PI4KA: variants seen among roughly 807,000 people sequenced by gnomAD.
PI4KA encodes phosphatidylinositol 4-kinase alpha.
Under a neutral mutation model 271.4 loss-of-function variants are expected in PI4KA, and 122 were observed. The ratio of observed to expected loss-of-function variants is 0.45; its 90% confidence interval spans 0.39 to 0.52. The LOEUF (loss-of-function observed/expected upper bound fraction) is 0.52. Ranked by LOEUF, PI4KA falls within the 20% of genes least tolerant of loss-of-function variation. PI4KA has a pLI of 0.00. For synonymous variants in PI4KA, 1,041 were observed against 1,078.8 expected (o/e 0.96, Z 0.69); for missense variants, 1,969 against 2,769.1 (o/e 0.71, Z 6.48).
chr22:20,842,814 C>CA (rs764238069), intron 1 of PI4KA, among the ~76,000 whole-genome samples: 4,798 of 81,560 alleles, frequency 0.059, 100 homozygotes, highest in Middle Eastern at 0.16. Flanking sequence ...GACTCTGTCT[C>CA]AAAAAAAAAA....
At chr22:20,775,974 A>G (rs1933239313) in intron 19 of PI4KA, among the ~76,000 whole-genome samples, 1 of 152,170 alleles carries the variant, frequency 6.6e-6, no homozygotes, top group Non-Finnish European at 1.5e-5. Context: ...TAAGTTACTC[A>G]AAGTGCCATT....
At chr22:20,738,470 C>G (rs1035935888) in intron 32 of PI4KA, among the ~76,000 whole-genome samples, 2 of 152,194 alleles carry the variant, frequency 1.3e-5, no homozygotes, top group African/African-American at 2.4e-5. Flanking sequence ...GTCCCAGACC[C>G]CTGTAAGGAG....
At chr22:20,745,655 T>C (rs1929968742) in intron 29 of PI4KA, among the ~76,000 whole-genome samples, 1 of 152,186 alleles carries the variant, frequency 6.6e-6, no homozygotes, top group Non-Finnish European at 1.5e-5. Flanking sequence ...CTGGAAACAA[T>C]GCGGTCTTTG....
intron 19 of PI4KA, among the ~76,000 whole-genome samples, chr22:20,785,462 G>A (rs1298960374): frequency 3.9e-5 from 6 of 152,194 alleles, no homozygotes; most frequent in Admixed American, 3.9e-4. Flanking sequence ...ATCCAGCTGG[G>A]ATTGCACCTT....
chr22:20,746,210 C>T (rs1930083041), intron 29 of PI4KA, among the ~76,000 whole-genome samples: 1 of 151,630 alleles, frequency 6.6e-6, no homozygotes, highest in Non-Finnish European at 1.5e-5. Context: ...CTACAGGCGC[C>T]TGCCACCATG....
intron 1 of PI4KA, among the ~76,000 whole-genome samples, chr22:20,840,590 G>T (rs1014634175): frequency 3.9e-5 from 6 of 152,212 alleles, no homozygotes; most frequent in African/African-American, 1.4e-4. Context: ...AGGCGAAGAT[G>T]TTAGCATGGT....
chr22:20,788,391 C>T (rs1934410559), intron 19 of PI4KA, among the ~76,000 whole-genome samples: 1 of 152,132 alleles, frequency 6.6e-6, no homozygotes, highest in Non-Finnish European at 1.5e-5. Context: ...ACGTCACTGC[C>T]CTTTGTAGGC....
In PI4KA at chr22:20,747,503, C is replaced by T. The variant is rs756973865; in HGVS notation, c.3363+80G>A. 1.3e-5 allele frequency: 20 copies of T among 1,496,098 alleles called. No individual in the cohort carries two copies. In the African/African-American group the frequency reaches 1.9e-4, roughly 14 times the overall value. The allele number at this position is 1,496,098 out of a possible 1,614,324, so 92.7% of individuals were successfully genotyped here. A position where few individuals can be genotyped will look rare whatever the true frequency, so the allele number is the denominator to read the frequency against. On this transcript the variant is annotated intron_variant, in intron 29 of 54. Coordinates refer to ENST00000255882, the MANE Select transcript of PI4KA (RefSeq NM_058004.4). ...TACTCATGTGCGTCATGAAAAGCGA[C>T]AGCCGAGCTCTAAGCCTTCCCCTGC...
intron 1 of PI4KA, among the ~76,000 whole-genome samples, chr22:20,857,590 T>A (rs1294550364): frequency 1.3e-5 from 2 of 152,240 alleles, no homozygotes; most frequent in African/African-American, 4.8e-5. Context: ...AACACTGTGC[T>A]GAGTCTCATC....
At chr22:20,801,252 T>A (rs1569049308) in intron 14 of PI4KA, among the ~76,000 whole-genome samples, 1 of 151,806 alleles carries the variant, frequency 6.6e-6, no homozygotes, top group Non-Finnish European at 1.5e-5. Context: ...TCTTTATAGA[T>A]CAAGTGTAGG....
intron 1 of PI4KA, among the ~76,000 whole-genome samples, chr22:20,839,282 T>C (rs118066959): frequency 0.03 from 4,528 of 152,240 alleles, 87 homozygotes; most frequent in Middle Eastern, 0.061. Context: ...CAATAAGTCA[T>C]AGTTTTTTTT....
chr22:20,858,546 C>T (rs556757297), intron 1 of PI4KA, 24 bp downstream of exon 1: 4 of 1,354,598 alleles, frequency 3.0e-6, no homozygotes, highest in South Asian at 3.5e-5. Flanking sequence ...CCTGTCAGCC[C>T]GCGGCCCAGC....
At position 20,799,244 on chromosome 22, in the gene PI4KA, C is replaced by T. The variant is rs755609944; in HGVS notation, c.1853G>A (p.Arg618Gln). 1.3e-6 allele frequency: 2 copies of T among 1,538,646 alleles called. No homozygotes were observed. The highest frequency in any genetic ancestry group is 1.8e-4 in the Middle Eastern group (1 of 5,610). Residue 618 changes from arginine to glutamine, a missense_variant, in exon 16 of 55, where the codon CGA (arginine) becomes CAA (glutamine). This residue lies in a region of PI4KA where 228 missense variants were observed against 261.6 expected (regional missense o/e 0.87). Coordinates refer to ENST00000255882, the MANE Select transcript of PI4KA (RefSeq NM_058004.4). ...DAHLIPDHTI[R>Q]ALGHIAVALR... ...GGCCACCGCAATGTGTCCCAAGGCTCGGATTGTGTGGTCGGGAATCAAGTG... is the reference window on the plus strand; with the variant it reads ...GGCCACCGCAATGTGTCCCAAGGCTTGGATTGTGTGGTCGGGAATCAAGTG...
intron 34 of PI4KA, 29 bp from the exon 35 acceptor site, chr22:20,733,872 G>A (rs1294785728): frequency 7.4e-6 from 12 of 1,611,930 alleles, no homozygotes; most frequent in Non-Finnish European, 1.0e-5. Context: ...CCCAGTTAGA[G>A]CAGGAGCCTG....
chr22:20,840,623 A>G (rs1227492445), intron 1 of PI4KA, among the ~76,000 whole-genome samples: 1 of 152,206 alleles, frequency 6.6e-6, no homozygotes, highest in African/African-American at 2.4e-5. Flanking sequence ...GTAGAGACAG[A>G]AACAGACCAG....
In PI4KA at chr22:20,776,139, T is replaced by C. The variant is rs983060896; in HGVS notation, c.2329-10446A>G. ...GAGTTTGAGACCTGTCTGGGCAACATGGTAAAACCCCATCTTTACCAAAAA... is the reference window on the plus strand; with the variant it reads ...GAGTTTGAGACCTGTCTGGGCAACACGGTAAAACCCCATCTTTACCAAAAA... On this transcript the variant is annotated intron_variant, in intron 19 of 54. Coordinates refer to ENST00000255882, the MANE Select transcript of PI4KA (RefSeq NM_058004.4). 7.2e-5 allele frequency among the ~76,000 whole-genome samples: 11 copies of C among 152,212 alleles called. No individual in the cohort carries two copies. The East Asian group carries it at 9.7e-4, about 13-fold the overall frequency.
At position 20,757,743 on chromosome 22, in the gene PI4KA, C is replaced by A. The variant is rs1013032609; in HGVS notation, c.2791+3561G>T. ...ATTTTTAGTAGAGATGGGGTTTCAT[C>A]ATGTTGGCCAGGCTGGTCTCGAACT... On this transcript the variant is annotated intron_variant, in intron 23 of 54. Transcript: ENST00000255882. Among the ~76,000 whole-genome samples, 18 of 152,204 alleles carry A rather than the reference C, an allele frequency of 1.2e-4. 1 individual carries two copies. Among genetic ancestry groups the A allele is most frequent in the Middle Eastern group, 6.8e-3 (2 of 294 alleles).
chr22:20,798,544 A>G (rs777277784), intron 17 of PI4KA, 40 bp downstream of exon 17: 9 of 1,167,192 alleles, frequency 7.7e-6, no homozygotes, highest in Non-Finnish European at 1.0e-5. Flanking sequence ...AGTAAGTTAA[A>G]TACTGTCATG....
chr22:20,832,176 C>T (rs1213362521), intron 3 of PI4KA, among the ~76,000 whole-genome samples: 8 of 146,196 alleles, frequency 5.5e-5, no homozygotes, highest in Admixed American at 4.2e-4. Flanking sequence ...AGTGCAGTGG[C>T]GCGATCTCGG....
Sources: allele counts gnomAD v4.1 joint callset (sites outside exome capture counted in the v4.1 genomes callset), GRCh38; gene constraint gnomAD v4.1.1; regional missense constraint gnomAD v4.1.1; transcripts MANE v1.5; gene names NCBI Gene and HGNC (gene_info 2026-07-23, HGNC 2026-07-21).